GHITM: variants seen among roughly 807,000 people sequenced by gnomAD.
The protein encoded by GHITM is growth hormone inducible transmembrane protein.
GHITM carries 24 observed loss-of-function variants against 38.7 expected under a neutral mutation model. That is an observed-to-expected ratio of 0.62 (90% CI 0.45 to 0.87). The LOEUF is 0.87. Ranked by LOEUF, GHITM falls within the 40% of genes least tolerant of loss-of-function variation. The pLI is 0.00. For synonymous variants in GHITM, 154 were observed against 147.8 expected (o/e 1.04, Z -0.30); for missense variants, 420 against 429.8 (o/e 0.98, Z 0.20).
In GHITM at chr10:84,144,114, A is replaced by C; in HGVS notation, c.341+8A>C. The C allele has an allele frequency of 6.4e-7, 1 of 1,571,866 alleles. No homozygotes were observed. Among genetic ancestry groups the C allele is most frequent in the Non-Finnish European group, 8.8e-7 (1 of 1,141,560 alleles). ...AGCTATTGAAAAGGCTGTGTAAGTA[A>C]ATTGTTTTAAGTAAACTGTTCCTAA... On this transcript the variant is annotated splice_region_variant and intron_variant, in intron 4 of 8. Coordinates refer to ENST00000372134, the MANE Select transcript of GHITM (RefSeq NM_014394.3).
In GHITM at chr10:84,152,336, C is replaced by A; in HGVS notation, c.1026C>A (p.Asn342Lys). ...CAACTATGCTGGCAACTGGAGGCAA[C>A]AGAAAGAAATGAAGTGACTCAGCTT... ...RVATMLATGG[N>K]RKK The change falls in exon 9 of 9, where the codon AAC becomes AAA. Residue 342 changes from asparagine (N) to lysine (K), a missense_variant. By Grantham distance (94) the Asn-to-Lys change is moderately conservative. Transcript: ENST00000372134. 6.3e-7 allele frequency: 1 copy of A among 1,595,168 alleles called. No homozygotes were observed.
chr10:84,142,547 C>T (rs1841517338), intron 2 of GHITM, 108 bp from the exon 3 acceptor site: 3 of 548,932 alleles, frequency 5.5e-6, no homozygotes, highest in Admixed American at 3.7e-5. Flanking sequence ...TAGAAAGTAC[C>T]AAGTTTCTTT....
intron 6 of GHITM, among the ~76,000 whole-genome samples, chr10:84,149,122 T>C (rs1289241021): frequency 6.6e-6 from 1 of 152,294 alleles, no homozygotes; most frequent in East Asian, 1.9e-4. Flanking sequence ...GTTTTATATC[T>C]AGTACGCATC....
chr10:84,153,361 CT>C lies in GHITM; in HGVS notation c.*1014del, dbSNP rs1311267840. 5 of 152,184 alleles carry C rather than the reference CT, an allele frequency of 3.3e-5. No homozygotes were observed. The highest frequency in any genetic ancestry group is 4.1e-4 in the South Asian group (2 of 4,826). 9.4% of individuals were successfully genotyped at this position (152,184 alleles called of 1,614,324 possible). The stretch of plus-strand genomic sequence containing the variant: ...CTCGCATTGCCTCTCAGACTAAGCA[CT>C]AAAAAGCAAAGCAAAACAGAACTAG... On this transcript the variant is annotated 3_prime_UTR_variant, in exon 9 of 9. Transcript: ENST00000372134.
At chr10:84,147,294 CTA>C (rs1841565973) in intron 5 of GHITM, among the ~76,000 whole-genome samples, 1 of 152,164 alleles carries the variant, frequency 6.6e-6, no homozygotes, top group Non-Finnish European at 1.5e-5. Flanking sequence ...GACTAGATCT[CTA>C]TGTTTGCCTA....
At chr10:84,148,695 A>C (rs1841581358) in intron 5 of GHITM, 35 bp from the exon 6 acceptor site, 1 of 1,294,030 alleles carries the variant, frequency 7.7e-7, no homozygotes, top group African/African-American at 1.5e-5. Context: ...TTTTCATATA[A>C]AGATCAGTTT....
At chr10:84,144,780 A>G in intron 4 of GHITM, 95 bp from the exon 5 acceptor site, 1 of 697,382 alleles carries the variant, frequency 1.4e-6, no homozygotes, top group Non-Finnish European at 2.4e-6. Context: ...TTTAAAGTGT[A>G]AAATGATTTA....
chr10:84,142,690 T>G lies in GHITM; in HGVS notation c.165T>G (p.Arg55=), dbSNP rs1385672888. Reference sequence around the variant, plus strand: ...CCAAAACAAGAATTGGGATCCGGCGTGGGAGAACTGGCCAAGAACTCAAAG... The same window carrying G: ...CCAAAACAAGAATTGGGATCCGGCGGGGGAGAACTGGCCAAGAACTCAAAG... ...YATKTRIGIR[R]GRTGQELKEA... Residue 55 remains arginine (R), a synonymous_variant, in exon 3 of 9, where the codon CGT becomes CGG. Coordinates refer to ENST00000372134, the MANE Select transcript of GHITM (RefSeq NM_014394.3). 6.2e-7 allele frequency: 1 copy of G among 1,613,034 alleles called. No individual in the cohort carries two copies. Among genetic ancestry groups the G allele is most frequent in the South Asian group, 1.1e-5 (1 of 90,994 alleles).
At position 84,148,780 on chromosome 10, in the gene GHITM, A is replaced by G. The variant is rs1433807593; in HGVS notation, c.534A>G (p.Arg178=). 6.8e-6 allele frequency: 11 copies of G among 1,613,586 alleles called. No individual in the cohort carries two copies. Among genetic ancestry groups the G allele is most frequent in the Non-Finnish European group, 9.3e-6 (11 of 1,179,490 alleles). ...TGGTTGGAGCTGGAATGCTGGTACGATCAATACCATATGACCAGAGCCCAG... is the reference window on the plus strand; with the variant it reads ...TGGTTGGAGCTGGAATGCTGGTACGGTCAATACCATATGACCAGAGCCCAG... ...AAMVGAGMLV[R]SIPYDQSPGP... is the part of the protein sequence containing the mutation. Residue 178 remains arginine, a synonymous_variant, in exon 6 of 9, where the codon CGA becomes CGG. Transcript: ENST00000372134.
intron 5 of GHITM, among the ~76,000 whole-genome samples, chr10:84,145,538 T>C (rs1056111567): frequency 3.3e-5 from 5 of 152,240 alleles, no homozygotes; most frequent in African/African-American, 1.2e-4. Context: ...TTTGTAGCAG[T>C]TTACTAAAAA....
rs201409514 is a variant in GHITM, at chr10:84,150,765, A to C, written c.838A>C (p.Met280Leu). The C allele has an allele frequency of 6.8e-6, 11 of 1,612,264 alleles. No homozygotes were observed. Among genetic ancestry groups the C allele is most frequent in the Non-Finnish European group, 9.3e-6 (11 of 1,178,340 alleles). ...TGGTGCCACTCTTTACTCAGTGGCA[A>C]TGTACGGTGGATTAGTTCTTTTCAG... is the stretch of plus-strand genomic sequence containing the variant. ...VAGATLYSVA[M>L]YGGLVLFSMF... Residue 280 changes from methionine (M) to leucine (L), a missense_variant, in exon 8 of 9, where the codon ATG becomes CTG. By Grantham distance (15) the Met-to-Leu change is conservative. Coordinates refer to ENST00000372134, the MANE Select transcript of GHITM (RefSeq NM_014394.3).
intron 5 of GHITM, among the ~76,000 whole-genome samples, chr10:84,146,197 G>A (rs543795004): frequency 6.6e-6 from 1 of 152,338 alleles, no homozygotes; most frequent in East Asian, 1.9e-4. Flanking sequence ...TTGAGGTCTG[G>A]AGGGTAAAGA....
At chr10:84,144,153 T>G (rs746949444) in intron 4 of GHITM, 47 bp downstream of exon 4, 2 of 1,231,168 alleles carry the variant, frequency 1.6e-6, no homozygotes, top group Non-Finnish European at 2.4e-6. Context: ...ACTCCAGCCT[T>G]AAAACAAAAA....
chr10:84,144,162 A>G, intron 4 of GHITM, 56 bp downstream of exon 4: 1 of 1,150,392 alleles, frequency 8.7e-7, no homozygotes, highest in Non-Finnish European at 1.3e-6. Context: ...TTAAAACAAA[A>G]ATTCAAATTT....
In GHITM at chr10:84,143,976, T is replaced by A; in HGVS notation, c.230-19T>A. ...CAGATGTGCCAGTACTAACCTGCAT[T>A]TCCTTCTGTGTTCTGCAGTTGATCA... On this transcript the variant is annotated intron_variant, in intron 3 of 8. Transcript: ENST00000372134. The A allele has an allele frequency of 6.5e-7, 1 of 1,530,056 alleles. No homozygotes were observed. The highest frequency in any genetic ancestry group is 9.1e-7 in the Non-Finnish European group (1 of 1,103,184). The allele number at this position is 1,530,056 out of a possible 1,614,324, so 94.8% of individuals were successfully genotyped here. A position where few individuals can be genotyped will look rare whatever the true frequency, so the allele number is the denominator to read the frequency against.
At position 84,152,509 on chromosome 10, in the gene GHITM, T is replaced by C; in HGVS notation, c.*161T>C. 2.3e-6 allele frequency: 1 copy of C among 428,978 alleles called. No individual in the cohort carries two copies. Among genetic ancestry groups the C allele is most frequent in the Non-Finnish European group, 4.2e-6 (1 of 240,690 alleles). 26.6% of individuals were successfully genotyped at this position (428,978 alleles called of 1,614,324 possible). On this transcript the variant is annotated 3_prime_UTR_variant, in exon 9 of 9. Coordinates refer to ENST00000372134, the MANE Select transcript of GHITM (RefSeq NM_014394.3). ...GGTAATGTGATGCCTCAGGTCTGCC[T>C]TTTTTTCTGGAGAATAAATGCAGTA...
chr10:84,144,041 T>G lies in GHITM; in HGVS notation c.276T>G (p.Gly92=). 6.2e-7 allele frequency: 1 copy of G among 1,614,116 alleles called. No individual in the cohort carries two copies. The highest frequency in any genetic ancestry group is 8.5e-7 in the Non-Finnish European group (1 of 1,179,974). The part of the protein sequence containing the change: ...RWFVAGGAAV[G]LGALCYYGLG... Reference sequence around the variant, plus strand: ...TTGTTGCTGGAGGGGCTGCTGTTGGTCTTGGAGCATTGTGCTACTATGGCT... The same window carrying G: ...TTGTTGCTGGAGGGGCTGCTGTTGGGCTTGGAGCATTGTGCTACTATGGCT... Residue 92 remains glycine (G), a synonymous_variant, in exon 4 of 9, where the codon GGT becomes GGG. Coordinates refer to ENST00000372134, the MANE Select transcript of GHITM (RefSeq NM_014394.3).
chr10:84,145,694 T>C (rs1007721448), intron 5 of GHITM, among the ~76,000 whole-genome samples: 1 of 152,266 alleles, frequency 6.6e-6, no homozygotes, highest in Non-Finnish European at 1.5e-5. Flanking sequence ...GCCCTTGTTA[T>C]TTTGCTAGAT....
chr10:84,152,280 A>G lies in GHITM; in HGVS notation c.970A>G (p.Met324Val). ...CTTTTCTAGGATGCTGAGTATCTAC[A>G]TGGATACATTAAATATATTTATGCG... ...DPINSMLSIY[M>V]DTLNIFMRVA... Residue 324 changes from methionine to valine, a missense_variant, in exon 9 of 9, where the codon ATG (methionine) becomes GTG (valine). Met to Val is a conservative substitution (Grantham distance 21). Coordinates refer to ENST00000372134, the MANE Select transcript of GHITM (RefSeq NM_014394.3). 3.1e-6 allele frequency: 5 copies of G among 1,588,728 alleles called. No individual in the cohort carries two copies. Among genetic ancestry groups the G allele is most frequent in the East Asian group, 4.5e-5 (2 of 44,654 alleles).
Sources: gnomAD v4.1 joint callset for allele counts (sites outside exome capture counted in the v4.1 genomes callset) on GRCh38, gnomAD v4.1.1 for gene constraint, MANE v1.5 for transcripts, NCBI Gene and HGNC (gene_info 2026-07-23, HGNC 2026-07-21) for gene names.